The following SIRT4 variants were observed in gnomAD, a reference collection of about 807,000 sequenced individuals.
SIRT4 encodes the protein sirtuin 4.
A neutral mutation model predicts 26.1 loss-of-function variants in SIRT4; 23 were observed. That is an observed-to-expected ratio of 0.88 (90% CI 0.63 to 1.25). The LOEUF is 1.25. SIRT4 is among the 50% of genes most tolerant of loss of function. The probability of loss-of-function intolerance (pLI) is 0.00; values close to 1 mark genes in which losing one functional copy is unlikely to be tolerated. For missense variants in SIRT4, 361 were observed against 405.4 expected (o/e 0.89, Z 0.94); for synonymous variants, 155 against 158.4 (o/e 0.98, Z 0.16).
upstream of SIRT4, among the ~76,000 whole-genome samples, chr12:120,299,041 A>C (rs1381726695): frequency 6.7e-6 from 1 of 149,892 alleles, no homozygotes; most frequent in African/African-American, 2.4e-5. Context: ...CCTGGCTAAC[A>C]CGGTGAAACC....
upstream of SIRT4, among the ~76,000 whole-genome samples, chr12:120,300,918 G>A (rs966530255): frequency 1.3e-5 from 2 of 152,188 alleles, no homozygotes; most frequent in Non-Finnish European, 2.9e-5. Context: ...TTGTAGATCA[G>A]AATCCCTGGG....
At chr12:120,292,970 A>G in the SIRT4 span, 1 of 152,094 alleles carries the variant, frequency 6.6e-6, no homozygotes, top group Admixed American at 6.6e-5. Context: ...CTCGCGAATC[A>G]GCTGGTAAGA....
chr12:120,303,601 G>C lies in SIRT4; in HGVS notation c.40G>C (p.Gly14Arg), dbSNP rs761488852. Residue 14 changes from glycine (G) to arginine (R), a missense_variant, in exon 2 of 4, where the codon GGC becomes CGC. Gly to Arg is a moderately radical substitution (Grantham distance 125, BLOSUM62 -2). Transcript: ENST00000202967. ...TGCGTTGACTTTCAGGTCAGCAAAA[G>C]GCCGTTGGATCGCAAACCCCAGCCA... is the stretch of plus-strand genomic sequence containing the variant. ...SFALTFRSAK[G>R]RWIANPSQPC... The C allele has an allele frequency of 8.7e-6, 14 of 1,613,972 alleles. No homozygotes were observed. The highest frequency in any genetic ancestry group is 1.2e-5 in the Non-Finnish European group (14 of 1,180,014).
intron 2 of SIRT4, among the ~76,000 whole-genome samples, chr12:120,308,043 G>GTCT (rs1872810394): frequency 1.3e-5 from 2 of 151,714 alleles, no homozygotes; most frequent in African/African-American, 4.8e-5. Flanking sequence ...TTTAAATAGA[G>GTCT]ACAGGATCTT....
At chr12:120,299,062 TAA>T (rs60970620), upstream of SIRT4, among the ~76,000 whole-genome samples, 2 of 141,654 alleles carry the variant, frequency 1.4e-5, no homozygotes, top group African/African-American at 2.6e-5. Context: ...CCGTCTCTAC[TAA>T]AAAAAAAATA....
Position 120,303,744 on chromosome 12 carries a change from T to G in SIRT4, c.183T>G (p.Thr61=). 1 of 1,614,114 alleles carries G rather than the reference T, an allele frequency of 6.2e-7. No homozygotes were observed. The highest frequency in any genetic ancestry group is 8.5e-7 in the Non-Finnish European group (1 of 1,180,024). ...ITLSKRLLVM[T]GAGISTESGI... The stretch of plus-strand genomic sequence containing the variant: ...TTTCCAAGAGACTCCTTGTGATGAC[T>G]GGGGCAGGAATCTCCACCGAATCGG... Residue 61 remains threonine, a synonymous_variant, in exon 2 of 4, where the codon ACT becomes ACG. Coordinates refer to ENST00000202967, the MANE Select transcript of SIRT4 (RefSeq NM_012240.3).
the SIRT4 span, among the ~76,000 whole-genome samples, chr12:120,294,780 A>C: frequency 3.3e-5 from 5 of 150,956 alleles, no homozygotes; most frequent in Non-Finnish European, 7.4e-5. Flanking sequence ...GGCCTCCCAA[A>C]GTGCTGGGAC....
chr12:120,312,537 T>A lies in SIRT4; in HGVS notation c.579T>A (p.Ser193Arg). The change falls in exon 3 of 4, where the codon AGT (serine) becomes AGA (arginine). Residue 193 changes from serine (S) to arginine (R), a missense_variant. Transcript: ENST00000202967. The stretch of plus-strand genomic sequence containing the variant: ...TCCAAGTCCTGAACCCCACCTGGAG[T>A]GCTGAGGCCCATGGCCTGGCTCCTG... ...ERFQVLNPTW[S>R]AEAHGLAPDG... The A allele has an allele frequency of 6.2e-7, 1 of 1,613,946 alleles. No individual in the cohort carries two copies. The highest frequency in any genetic ancestry group is 8.5e-7 in the Non-Finnish European group (1 of 1,179,990).
the SIRT4 span, among the ~76,000 whole-genome samples, chr12:120,294,828 CT>C: frequency 9.2e-3 from 1,267 of 137,382 alleles, 9 homozygotes; most frequent in Middle Eastern, 0.062. Flanking sequence ...ACTGTTTATC[CT>C]TTTTTTTTTT....
chr12:120,294,854 G>A, the SIRT4 span, among the ~76,000 whole-genome samples: 1 of 148,058 alleles, frequency 6.8e-6, no homozygotes, highest in Non-Finnish European at 1.5e-5. Flanking sequence ...TTGAGGGGGA[G>A]TCTCGCTCTG....
chr12:120,292,949 T>G, the SIRT4 span: 1 of 152,158 alleles, frequency 6.6e-6, no homozygotes, highest in African/African-American at 2.4e-5. Context: ...ACAGGTAAAC[T>G]TGCAGGTGCT....
chr12:120,295,372 G>C, the SIRT4 span, among the ~76,000 whole-genome samples: 1 of 145,068 alleles, frequency 6.9e-6, no homozygotes, highest in Non-Finnish European at 1.5e-5. Context: ...GCGCCACCAT[G>C]CCTGGCTAAT....
chr12:120,309,956 A>T (rs1872895644), intron 2 of SIRT4, among the ~76,000 whole-genome samples: 1 of 151,746 alleles, frequency 6.6e-6, no homozygotes, highest in Non-Finnish European at 1.5e-5. Flanking sequence ...ACCTCAACTG[A>T]TCCACCCATC....
the SIRT4 span, among the ~76,000 whole-genome samples, chr12:120,292,881 TTAAAA>T: frequency 6.6e-6 from 1 of 152,196 alleles, no homozygotes; most frequent in Admixed American, 6.5e-5. Context: ...TGCTTTTACC[TTAAAA>T]GTAGAGATCA....
intron 2 of SIRT4, among the ~76,000 whole-genome samples, chr12:120,310,657 G>A (rs1486461921): frequency 6.6e-6 from 1 of 151,962 alleles, no homozygotes; most frequent in Non-Finnish European, 1.5e-5. Context: ...GATTGCTTGA[G>A]CCTAGGAGTT....
At chr12:120,312,232 G>T (rs1287783021) in intron 2 of SIRT4, among the ~76,000 whole-genome samples, 5 of 151,972 alleles carry the variant, frequency 3.3e-5, no homozygotes, top group African/African-American at 1.2e-4. Context: ...AGGCTGCAGT[G>T]AGCTGAGATC....
intron 2 of SIRT4, among the ~76,000 whole-genome samples, chr12:120,311,401 G>A (rs767164521): frequency 6.6e-6 from 1 of 151,244 alleles, no homozygotes; most frequent in Non-Finnish European, 1.5e-5. Flanking sequence ...GACACAAAGT[G>A]CTCTCCCTCA....
chr12:120,311,085 G>A (rs1382721019), intron 2 of SIRT4, among the ~76,000 whole-genome samples: 5 of 144,296 alleles, frequency 3.5e-5, no homozygotes, highest in East Asian at 2.1e-4. Context: ...TAGGCCGGGC[G>A]CAGTGGCTCA....
At chr12:120,291,882 G>C in the SIRT4 span, 1 of 152,040 alleles carries the variant, frequency 6.6e-6, no homozygotes, top group African/African-American at 2.4e-5. Context: ...CATTGGCTAC[G>C]ATACTGCCAC....
Sources: allele counts gnomAD v4.1 joint callset (sites outside exome capture counted in the v4.1 genomes callset), GRCh38; gene constraint gnomAD v4.1.1; transcripts MANE v1.5; gene names NCBI Gene and HGNC (gene_info 2026-07-23, HGNC 2026-07-21).